Variants in LINGO2 observed in about 807,000 individuals in gnomAD.
The protein encoded by LINGO2 is leucine-rich repeat and immunoglobulin-like domain-containing nogo receptor-interacting protein 2.
LINGO2 carries 14 observed loss-of-function variants against 30.6 expected under a neutral mutation model. The ratio of observed to expected loss-of-function variants is 0.46; its 90% confidence interval spans 0.30 to 0.72. The LOEUF (loss-of-function observed/expected upper bound fraction) is 0.72. Ranked by LOEUF, LINGO2 falls within the 30% of genes least tolerant of loss-of-function variation. The probability of loss-of-function intolerance (pLI) is 0.07; values close to 1 mark genes in which losing one functional copy is unlikely to be tolerated. For missense variants in LINGO2, 729 were observed against 751.7 expected (o/e 0.97, Z 0.35); for synonymous variants, 317 against 288.5 (o/e 1.10, Z -1.00).
intron 5 of LINGO2, among the ~76,000 whole-genome samples, chr9:27,988,633 T>A (rs1037701710): frequency 4.6e-5 from 7 of 152,034 alleles, no homozygotes; most frequent in Non-Finnish European, 7.4e-5. Flanking sequence ...GTCGGCTGCA[T>A]AAATGTCTTC....
chr9:28,612,424 C>A (rs1563863668), intron 1 of LINGO2, among the ~76,000 whole-genome samples: 2 of 152,116 alleles, frequency 1.3e-5, no homozygotes, highest in Admixed American at 6.6e-5. Context: ...ACAATCAACA[C>A]CAACACATGA....
At chr9:28,704,558 A>T in the LINGO2 span, among the ~76,000 whole-genome samples, 1,427 of 151,876 alleles carry the variant, frequency 9.4e-3, 30 homozygotes, top group East Asian at 0.08. Context: ...ACCATTTGTA[A>T]TTGTACCACA....
In LINGO2 at chr9:28,566,246, G is replaced by A. The variant is rs1013406375; in HGVS notation, c.-364-90221C>T. ...GTGGAGGAGGATCTTTTAGGGGCTCGTGGCTGAAGCCACTTTGTCTACCAG... is the reference window on the plus strand; with the variant it reads ...GTGGAGGAGGATCTTTTAGGGGCTCATGGCTGAAGCCACTTTGTCTACCAG... On this transcript the variant is annotated intron_variant, in intron 1 of 5. Coordinates refer to ENST00000379992, the Ensembl canonical transcript of LINGO2. Among the ~76,000 whole-genome samples, 9 of 152,228 alleles carry A rather than the reference G, an allele frequency of 5.9e-5. No individual in the cohort carries two copies. The East Asian group carries it at 9.7e-4, about 16-fold the overall frequency.
downstream of LINGO2, among the ~76,000 whole-genome samples, chr9:27,947,317 A>T (rs1001138822): frequency 5.9e-5 from 9 of 152,204 alleles, no homozygotes; most frequent in Non-Finnish European, 1.2e-4. Context: ...AAAAACTGGG[A>T]TGTTTAACTT....
intron 5 of LINGO2, among the ~76,000 whole-genome samples, chr9:27,957,327 C>T (rs1386677882): frequency 1.3e-5 from 2 of 152,050 alleles, no homozygotes; most frequent in African/African-American, 4.8e-5. Context: ...CAGAGTCTTG[C>T]TTTGTCGCCC....
rs1354287033 is a variant in LINGO2 at position 28,234,741 on chromosome 9, G to C, written c.-87+60467C>G. ...TTGTGCCTTTGGCCACAGACTGTCA[G>C]CTTCCCTATTTTTGAGGTTTTGGGA... On this transcript the variant is annotated intron_variant, in intron 4 of 5. Coordinates refer to ENST00000379992, the Ensembl canonical transcript of LINGO2. Among the ~76,000 whole-genome samples, 6 of 152,288 alleles carry C rather than the reference G, an allele frequency of 3.9e-5. No homozygotes were observed. In the East Asian group the frequency reaches 1.2e-3, roughly 30 times the overall value.
At chr9:28,441,938 C>G (rs1022791766) in intron 2 of LINGO2, among the ~76,000 whole-genome samples, 1 of 151,942 alleles carries the variant, frequency 6.6e-6, no homozygotes, top group African/African-American at 2.4e-5. Context: ...CTAACTTCAC[C>G]CACTGTTTTC....
chr9:28,714,258 ATCT>A, the LINGO2 span, among the ~76,000 whole-genome samples: 1 of 150,730 alleles, frequency 6.6e-6, no homozygotes, highest in African/African-American at 2.4e-5. Flanking sequence ...AGTCATTAAC[ATCT>A]TCTACATCTC....
intron 4 of LINGO2, among the ~76,000 whole-genome samples, chr9:28,258,838 G>C (rs2134036807): frequency 6.6e-6 from 1 of 151,630 alleles, no homozygotes; most frequent in East Asian, 1.9e-4. Context: ...TATCCAAGAG[G>C]AATTGCTTTT....
intron 1 of LINGO2, among the ~76,000 whole-genome samples, chr9:28,607,727 C>A (rs1825750593): frequency 6.6e-6 from 1 of 151,990 alleles, no homozygotes; most frequent in Non-Finnish European, 1.5e-5. Context: ...TGTGTCAAAT[C>A]TGATTGAAAT....
At chr9:28,615,256 T>C (rs1160431194) in intron 1 of LINGO2, among the ~76,000 whole-genome samples, 1 of 152,184 alleles carries the variant, frequency 6.6e-6, no homozygotes, top group Non-Finnish European at 1.5e-5. Flanking sequence ...TTCAATGATA[T>C]GTACACTCTA....
the LINGO2 span, among the ~76,000 whole-genome samples, chr9:29,018,235 T>G: frequency 6.6e-6 from 1 of 151,306 alleles, no homozygotes; most frequent in East Asian, 1.9e-4. Flanking sequence ...ATAAGAGTGA[T>G]CTAAACATTG....
At chr9:28,084,907 T>C (rs1009302305) in intron 4 of LINGO2, among the ~76,000 whole-genome samples, 1 of 152,078 alleles carries the variant, frequency 6.6e-6, no homozygotes, top group African/African-American at 2.4e-5. Flanking sequence ...AGAAGGAAAG[T>C]ATGAGAAGAT....
chr9:28,660,683 T>G (rs1195735659), intron 1 of LINGO2, among the ~76,000 whole-genome samples: 1 of 152,080 alleles, frequency 6.6e-6, no homozygotes, highest in African/African-American at 2.4e-5. Flanking sequence ...CAGGATATGT[T>G]AATTTTTTTT....
At chr9:28,807,308 G>A in the LINGO2 span, among the ~76,000 whole-genome samples, 1 of 152,130 alleles carries the variant, frequency 6.6e-6, no homozygotes, top group Admixed American at 6.5e-5. Context: ...ACAGGTGTGA[G>A]CCACCATGCC....
chr9:28,256,645 A>G (rs916010981), intron 4 of LINGO2, among the ~76,000 whole-genome samples: 1 of 151,986 alleles, frequency 6.6e-6, no homozygotes, highest in Non-Finnish European at 1.5e-5. Context: ...TGAGAGTGGG[A>G]AAAGAACATT....
the LINGO2 span, among the ~76,000 whole-genome samples, chr9:28,937,132 G>A: frequency 2.0e-5 from 3 of 152,010 alleles, no homozygotes; most frequent in Admixed American, 1.3e-4. Flanking sequence ...TGGATTTGGG[G>A]ACCATAATCT....
the LINGO2 span, among the ~76,000 whole-genome samples, chr9:29,059,057 G>A: frequency 1.5e-4 from 23 of 151,726 alleles, no homozygotes; most frequent in African/African-American, 5.6e-4. Context: ...GCATAAATAT[G>A]AAATAGTATG....
At chr9:28,108,125 T>G (rs964664154) in intron 4 of LINGO2, among the ~76,000 whole-genome samples, 11 of 152,292 alleles carry the variant, frequency 7.2e-5, no homozygotes, top group African/African-American at 2.6e-4. Context: ...GAGCTTTCCC[T>G]GAATGAGTCT....
Sources: gnomAD v4.1 joint callset for allele counts (sites outside exome capture counted in the v4.1 genomes callset) on GRCh38, gnomAD v4.1.1 for gene constraint, MANE v1.5 for transcripts, NCBI Gene and HGNC (gene_info 2026-07-23, HGNC 2026-07-21) for gene names.